The following KCNT2 variants were observed in gnomAD, a reference collection of about 807,000 sequenced individuals.
KCNT2 encodes potassium channel subfamily T member 2.
KCNT2 carries 67 observed loss-of-function variants against 153.8 expected under a neutral mutation model. The observed-to-expected ratio is 0.44, with a 90% CI of 0.36 to 0.53. The LOEUF is 0.53. KCNT2 is among the 20% of genes least tolerant of loss of function. The pLI is 0.00. For synonymous variants in KCNT2, 500 were observed against 458.8 expected, an observed-to-expected ratio of 1.09 and a Z score of -1.15; for missense variants, 975 against 1,354.8, an observed-to-expected ratio of 0.72 and a Z score of 4.40.
intron 26 of KCNT2, among the ~76,000 whole-genome samples, chr1:196,238,923 T>C (rs962370190): frequency 2.2e-4 from 33 of 151,960 alleles, no homozygotes; most frequent in African/African-American, 8.0e-4. Flanking sequence ...CTATTAGCCA[T>C]GATCCTGGAA....
In KCNT2 at chr1:196,225,850, G is replaced by A. The variant is rs1487304331; in HGVS notation, c.*2374C>T. ...ATGTAACTGGTAGCAAAATGGTACA[G>A]ACAATAAACAGAATCAATTCCCATT... On this transcript the variant is annotated 3_prime_UTR_variant, in exon 28 of 28. Transcript: ENST00000294725. 6.6e-6 allele frequency: 1 copy of A among 152,052 alleles called. No individual in the cohort carries two copies. The highest frequency in any genetic ancestry group is 1.5e-5 in the Non-Finnish European group (1 of 67,952). 9.4% of individuals were successfully genotyped at this position (152,052 alleles called of 1,614,324 possible).
At chr1:196,393,277 A>T (rs572970010) in intron 13 of KCNT2, among the ~76,000 whole-genome samples, 1 of 151,598 alleles carries the variant, frequency 6.6e-6, no homozygotes, top group Admixed American at 6.6e-5. Flanking sequence ...TTTTCAGAGG[A>T]CTCAACAGTT....
At chr1:196,550,887 A>C (rs531571040) in intron 1 of KCNT2, among the ~76,000 whole-genome samples, 32 of 151,954 alleles carry the variant, frequency 2.1e-4, no homozygotes, top group African/African-American at 7.7e-4. Context: ...ATTTAAAGGC[A>C]ATGTTGGGAG....
intron 1 of KCNT2, among the ~76,000 whole-genome samples, chr1:196,559,821 C>T (rs551427286): frequency 1.0e-3 from 157 of 151,702 alleles, no homozygotes; most frequent in African/African-American, 3.8e-3. Flanking sequence ...TTTTATAATA[C>T]AACAATCAAT....
chr1:196,509,780 A>G (rs567504751), intron 1 of KCNT2, among the ~76,000 whole-genome samples: 1 of 151,418 alleles, frequency 6.6e-6, no homozygotes, highest in Admixed American at 6.6e-5. Context: ...ATTAAAGTCT[A>G]TCCATATGAC....
chr1:196,286,629 A>G (rs1223619217), intron 22 of KCNT2, among the ~76,000 whole-genome samples: 2 of 139,158 alleles, frequency 1.4e-5, no homozygotes, highest in African/African-American at 6.5e-5. Flanking sequence ...ACACACACAC[A>G]CACACACATA....
intron 8 of KCNT2, among the ~76,000 whole-genome samples, chr1:196,447,808 C>T (rs920758926): frequency 1.3e-4 from 11 of 87,306 alleles, no homozygotes; most frequent in Non-Finnish European, 2.8e-4. Flanking sequence ...TTTTTTTGGA[C>T]TGCTGCAGTT....
At chr1:196,508,299 C>A (rs867121839) in intron 1 of KCNT2, among the ~76,000 whole-genome samples, 2 of 149,776 alleles carry the variant, frequency 1.3e-5, no homozygotes, top group African/African-American at 4.9e-5. Context: ...AAAATTTTAA[C>A]CTTTTATGAA....
At chr1:196,242,758 A>C (rs1322249023) in intron 26 of KCNT2, among the ~76,000 whole-genome samples, 1 of 152,194 alleles carries the variant, frequency 6.6e-6, no homozygotes, top group East Asian at 1.9e-4. Flanking sequence ...CAATTTTCTT[A>C]GAATAGCTTC....
intron 17 of KCNT2, 116 bp downstream of exon 17, chr1:196,333,731 A>T (rs1664716684): frequency 1.5e-6 from 1 of 666,436 alleles, no homozygotes; most frequent in Non-Finnish European, 2.7e-6. Context: ...TGATTCTAGG[A>T]TGTTCAGAAG....
rs76965715 is a variant in KCNT2, at chr1:196,329,266, T to C, written c.2103+1890A>G. On this transcript the variant is annotated intron_variant, in intron 18 of 27. Coordinates refer to ENST00000294725, the MANE Select transcript of KCNT2 (RefSeq NM_198503.5). ...ATCCCAAAGTGGGTGCTCATTTACA[T>C]AGCAGACCACCTTCTATCAGTCTAA... Among the ~76,000 whole-genome samples the C allele has an allele frequency of 4.2e-3, 636 of 152,232 alleles. 13 individuals are homozygous for C. The highest frequency in any genetic ancestry group is 0.028 in the Admixed American group (432 of 15,256).
chr1:196,551,832 C>T (rs1437442004), intron 1 of KCNT2, among the ~76,000 whole-genome samples: 1 of 151,616 alleles, frequency 6.6e-6, no homozygotes, highest in Non-Finnish European at 1.5e-5. Flanking sequence ...TTACCACACT[C>T]TCTACCCTTA....
At chr1:196,368,922 C>T (rs1327535178) in intron 14 of KCNT2, among the ~76,000 whole-genome samples, 1 of 152,146 alleles carries the variant, frequency 6.6e-6, no homozygotes, top group African/African-American at 2.4e-5. Context: ...CAACTATGTA[C>T]TTCATTATTT....
At chr1:196,287,724 G>A (rs1369983837) in intron 22 of KCNT2, among the ~76,000 whole-genome samples, 1 of 151,952 alleles carries the variant, frequency 6.6e-6, no homozygotes, top group Non-Finnish European at 1.5e-5. Flanking sequence ...CGTTGAGAAC[G>A]TACTTTGTGT....
chr1:196,286,063 T>A (rs1364748550), intron 22 of KCNT2, among the ~76,000 whole-genome samples: 1 of 151,524 alleles, frequency 6.6e-6, no homozygotes, highest in Non-Finnish European at 1.5e-5. Flanking sequence ...GAAAAAAATG[T>A]GAAAAAAAAA....
chr1:196,334,624 C>A (rs1233928629), intron 16 of KCNT2, among the ~76,000 whole-genome samples: 1 of 151,332 alleles, frequency 6.6e-6, no homozygotes, highest in African/African-American at 2.4e-5. Context: ...TTTATGACCA[C>A]TTTTTAAAAT....
intron 1 of KCNT2, among the ~76,000 whole-genome samples, chr1:196,526,517 G>A (rs1572727153): frequency 6.6e-6 from 1 of 151,246 alleles, no homozygotes; most frequent in Non-Finnish European, 1.5e-5. Flanking sequence ...GCAGTGGCAC[G>A]ATCTCGGCTC....
At chr1:196,529,147 A>G (rs111229787) in intron 1 of KCNT2, among the ~76,000 whole-genome samples, 8,693 of 152,218 alleles carry the variant, frequency 0.057, 390 homozygotes, top group Non-Finnish European at 0.085. Flanking sequence ...ACTTAAAAAT[A>G]AATGCGAAAC....
chr1:196,548,990 C>A (rs996933618), intron 1 of KCNT2, among the ~76,000 whole-genome samples: 3 of 150,138 alleles, frequency 2.0e-5, no homozygotes, highest in East Asian at 2.0e-4. Context: ...GAACATCACA[C>A]TCTGGGGACT....
Sources: gnomAD v4.1 joint callset for allele counts (sites outside exome capture counted in the v4.1 genomes callset) on GRCh38, gnomAD v4.1.1 for gene constraint, MANE v1.5 for transcripts, NCBI Gene and HGNC (gene_info 2026-07-23, HGNC 2026-07-21) for gene names.